Variants in ARHGAP22 observed in about 807,000 individuals in gnomAD.
The protein encoded by ARHGAP22 is rho GTPase-activating protein 22.
ARHGAP22 carries 48 observed loss-of-function variants against 59.1 expected under a neutral mutation model. The ratio of observed to expected loss-of-function variants is 0.81; its 90% CI spans 0.64 to 1.03. ARHGAP22 has a LOEUF of 1.03. ARHGAP22 is among the 50% of genes least tolerant of loss of function. ARHGAP22 has a pLI of 0.00. For synonymous variants in ARHGAP22, 445 were observed against 416.4 expected (o/e 1.07, Z -0.84); for missense variants, 1,015 against 958.7 (o/e 1.06, Z -0.78).
Position 48,622,645 on chromosome 10 carries a change from A to T in ARHGAP22, c.52+29589T>A, listed in dbSNP as rs893546498. On this transcript the variant is annotated intron_variant, in intron 1 of 9. Transcript: ENST00000435790. Reference sequence around the variant, plus strand: ...TGGGATCAAAATCTGACCATCATATACTGGCTGAGTGGATCAGACTAGCCA... The same window carrying T: ...TGGGATCAAAATCTGACCATCATATTCTGGCTGAGTGGATCAGACTAGCCA... Among the ~76,000 whole-genome samples, 4 of 152,334 alleles carry T rather than the reference A, an allele frequency of 2.6e-5. No homozygotes were observed. The South Asian group carries it at 8.3e-4, about 32-fold the overall frequency.
intron 3 of ARHGAP22, among the ~76,000 whole-genome samples, chr10:48,526,656 A>T (rs933377401): frequency 6.6e-6 from 1 of 152,204 alleles, no homozygotes; most frequent in African/African-American, 2.4e-5. Flanking sequence ...GCCAAGTCCT[A>T]CATTTGGAAA....
At chr10:48,440,708 G>T in the ARHGAP22 span, among the ~76,000 whole-genome samples, 1 of 152,128 alleles carries the variant, frequency 6.6e-6, no homozygotes, top group African/African-American at 2.4e-5. Flanking sequence ...ATCAAGAATT[G>T]CCTTTATTTT....
Position 48,562,414 on chromosome 10 carries a change from AGCAAATTGAGGTACCT to A in ARHGAP22, c.235-6880_235-6865del, listed in dbSNP as rs1183702646. Among the ~76,000 whole-genome samples the A allele has an allele frequency of 2.0e-5, 3 of 152,222 alleles. No individual in the cohort carries two copies. In the East Asian group the frequency reaches 5.8e-4, roughly 29 times the overall value. Reference sequence around the variant, plus strand: ...ATGGCCTTCACCAGGTAAATGGATAAGCAAATTGAGGTACCTGCATACAGTGCAATACTACCCAGCA... The same window carrying A: ...ATGGCCTTCACCAGGTAAATGGATAAGCATACAGTGCAATACTACCCAGCA... On this transcript the variant is annotated intron_variant, in intron 2 of 9. Coordinates refer to ENST00000249601, the MANE Select transcript of ARHGAP22 (RefSeq NM_021226.4).
intron 3 of ARHGAP22, among the ~76,000 whole-genome samples, chr10:48,536,359 G>A (rs2135035906): frequency 6.6e-6 from 1 of 152,342 alleles, no homozygotes; most frequent in Middle Eastern, 3.4e-3. Context: ...GGATCAGGCA[G>A]GGGACCTTCA....
At chr10:48,485,421 G>A (rs931629343) in intron 3 of ARHGAP22, among the ~76,000 whole-genome samples, 25 of 152,094 alleles carry the variant, frequency 1.6e-4, no homozygotes, top group Non-Finnish European at 1.5e-4. Context: ...ACCAGAATAT[G>A]GTATATCTTG....
At chr10:48,502,517 AGCCC>A (rs1268997718) in intron 3 of ARHGAP22, among the ~76,000 whole-genome samples, 1 of 152,084 alleles carries the variant, frequency 6.6e-6, no homozygotes, top group Non-Finnish European at 1.5e-5. Context: ...GCACCTTTCC[AGCCC>A]CAGCCAGCTC....
intron 2 of ARHGAP22, among the ~76,000 whole-genome samples, chr10:48,573,328 A>G (rs2058513064): frequency 6.6e-6 from 1 of 152,214 alleles, no homozygotes. Context: ...TACAAGGAGG[A>G]AACTGAGGCT....
chr10:48,556,561 C>G (rs2057323632), intron 2 of ARHGAP22: 1 of 152,250 alleles, frequency 6.6e-6, no homozygotes, highest in African/African-American at 2.4e-5. Context: ...CTGCAACCAA[C>G]TACCTGGGTT....
At chr10:48,548,448 G>A (rs1354290750) in intron 3 of ARHGAP22, among the ~76,000 whole-genome samples, 1 of 152,178 alleles carries the variant, frequency 6.6e-6, no homozygotes, top group East Asian at 1.9e-4. Context: ...CAACCCACTT[G>A]GTTCCCTTCA....
intron 2 of ARHGAP22, among the ~76,000 whole-genome samples, chr10:48,572,587 T>A (rs940745316): frequency 2.0e-5 from 3 of 152,166 alleles, no homozygotes; most frequent in African/African-American, 7.2e-5. Flanking sequence ...AATATGGATG[T>A]TCAGTAGGCA....
chr10:48,529,724 GT>G (rs2054640187), intron 3 of ARHGAP22, among the ~76,000 whole-genome samples: 1 of 152,148 alleles, frequency 6.6e-6, no homozygotes, highest in South Asian at 2.1e-4. Flanking sequence ...AATGTGTTTT[GT>G]TTTTAGCATG....
the ARHGAP22 span, chr10:48,435,190 T>A: frequency 1.8e-6 from 1 of 540,878 alleles, no homozygotes; most frequent in Non-Finnish European, 3.1e-6. Context: ...TCAAGTGATG[T>A]AATTTAAAAC....
chr10:48,607,447 TC>T (rs1268218567), upstream of ARHGAP22, among the ~76,000 whole-genome samples: 1 of 152,098 alleles, frequency 6.6e-6, no homozygotes, highest in East Asian at 1.9e-4. Flanking sequence ...TCTCAGTACT[TC>T]CTGAGATGAA....
chr10:48,586,459 C>T (rs535654616), intron 1 of ARHGAP22, among the ~76,000 whole-genome samples: 8 of 152,286 alleles, frequency 5.3e-5, no homozygotes, highest in Admixed American at 1.3e-4. Flanking sequence ...ATGGAGATGG[C>T]GCAGTGGATG....
intron 3 of ARHGAP22, among the ~76,000 whole-genome samples, chr10:48,486,612 C>A (rs7070411): frequency 0.74 from 113,070 of 152,216 alleles, 45,300 homozygotes; most frequent in Non-Finnish European, 0.9. Context: ...GTTATTTTTA[C>A]TTTAAATCTT....
chr10:48,493,661 G>A (rs1415538924), intron 3 of ARHGAP22: 1 of 1,412,244 alleles, frequency 7.1e-7, no homozygotes, highest in African/African-American at 1.4e-5. Flanking sequence ...TCTCTCCTGG[G>A]GAACTTCTGC....
downstream of ARHGAP22, among the ~76,000 whole-genome samples, chr10:48,443,143 G>C (rs2045241314): frequency 6.6e-6 from 1 of 152,130 alleles, no homozygotes; most frequent in Admixed American, 6.5e-5. Flanking sequence ...AAAGACCGCT[G>C]TGCATTCCTA....
chr10:48,619,148 G>A (rs2061195939), intron 1 of ARHGAP22, among the ~76,000 whole-genome samples: 1 of 152,064 alleles, frequency 6.6e-6, no homozygotes, highest in Non-Finnish European at 1.5e-5. Flanking sequence ...GGTGGTGAAA[G>A]ATCTCTACAA....
upstream of ARHGAP22, among the ~76,000 whole-genome samples, chr10:48,652,899 C>G (rs2062621071): frequency 6.6e-6 from 1 of 152,212 alleles, no homozygotes; most frequent in Non-Finnish European, 1.5e-5. Flanking sequence ...ACAGGCTGCT[C>G]ATGGCATGGC....
Sources: gnomAD v4.1 joint callset for allele counts (sites outside exome capture counted in the v4.1 genomes callset) on GRCh38, gnomAD v4.1.1 for gene constraint, MANE v1.5 for transcripts, NCBI Gene and HGNC (gene_info 2026-07-23, HGNC 2026-07-21) for gene names.